N4BP2L1: variants seen among roughly 807,000 people sequenced by gnomAD.
N4BP2L1 encodes NEDD4 binding protein 2 like 1.
N4BP2L1 carries 12 observed loss-of-function variants against 21.2 expected under a neutral mutation model. The ratio of observed to expected loss-of-function variants is 0.57; its 90% CI spans 0.36 to 0.92. The LOEUF is 0.92. Among genes scored for constraint, N4BP2L1 ranks in the 40% least tolerant of loss-of-function variants. N4BP2L1 has a pLI of 0.01. For synonymous variants in N4BP2L1, 104 were observed against 112.8 expected (o/e 0.92, Z 0.49); for missense variants, 259 against 310.6 (o/e 0.83, Z 1.25).
chr13:32,403,198 CTTCT>C lies in N4BP2L1; in HGVS notation c.474-2_475del. The C allele has an allele frequency of 6.3e-7, 1 of 1,586,028 alleles. No homozygotes were observed. Among genetic ancestry groups the C allele is most frequent in the African/African-American group, 1.4e-5 (1 of 73,638 alleles). On this transcript the variant is annotated splice_acceptor_variant and coding_sequence_variant, in exon 5 of 5. Transcript: ENST00000380130. LOFTEE classifies it high-confidence loss of function. ...TTCTCTTGAGACACCATGAATGTTTCTTCTACATGGAAAAAAAATGCATTTAGTT... is the reference window on the plus strand; with the variant it reads ...TTCTCTTGAGACACCATGAATGTTTCACATGGAAAAAAAATGCATTTAGTT...
chr13:32,407,510 T>A (rs1566294043), intron 2 of N4BP2L1, 135 bp downstream of exon 2: 1 of 1,587,004 alleles, frequency 6.3e-7, no homozygotes, highest in South Asian at 1.1e-5. Context: ...GAGGTTATGC[T>A]CTGGTGTTCT....
At chr13:32,425,183 T>G (rs898092340) in intron 1 of N4BP2L1, 7 of 152,222 alleles carry the variant, frequency 4.6e-5, no homozygotes, top group African/African-American at 1.7e-4. Context: ...TTAAACAATT[T>G]GCTCTTTTCT....
intron 1 of N4BP2L1, chr13:32,416,643 A>C (rs206321): frequency 0.16 from 24,618 of 152,140 alleles, 2,419 homozygotes; most frequent in South Asian, 0.3. Context: ...CTCTGATAGA[A>C]TACATGTTCC....
intron 1 of N4BP2L1, among the ~76,000 whole-genome samples, chr13:32,414,811 A>T (rs562361287): frequency 6.6e-6 from 1 of 152,162 alleles, no homozygotes; most frequent in Non-Finnish European, 1.5e-5. Flanking sequence ...TACCGTTTGC[A>T]TGTGGGGCTG....
intron 1 of N4BP2L1, among the ~76,000 whole-genome samples, chr13:32,418,681 C>CT (rs1320372663): frequency 6.6e-6 from 1 of 152,236 alleles, no homozygotes; most frequent in Non-Finnish European, 1.5e-5. Flanking sequence ...GGAGCTGTAC[C>CT]TTGCAAAGCC....
chr13:32,414,985 T>C (rs1402461103), intron 1 of N4BP2L1, among the ~76,000 whole-genome samples: 1 of 152,212 alleles, frequency 6.6e-6, no homozygotes, highest in African/African-American at 2.4e-5. Context: ...ATTAATATTT[T>C]AAATTTAGGT....
chr13:32,406,352 G>A (rs542322635), intron 3 of N4BP2L1: 3 of 152,166 alleles, frequency 2.0e-5, no homozygotes, highest in Admixed American at 2.0e-4. Context: ...CACTGTTACA[G>A]GCATCGTACT....
intron 1 of N4BP2L1, among the ~76,000 whole-genome samples, chr13:32,424,394 C>T (rs1042462526): frequency 2.6e-5 from 4 of 152,230 alleles, no homozygotes; most frequent in African/African-American, 7.2e-5. Context: ...CTCCTCACTG[C>T]CTCCCCAGCC....
intron 1 of N4BP2L1, among the ~76,000 whole-genome samples, chr13:32,427,122 C>T (rs1238183881): frequency 4.6e-5 from 7 of 152,228 alleles, no homozygotes; most frequent in Non-Finnish European, 4.4e-5. Flanking sequence ...CCGCGTAATT[C>T]CCAGAGGTTG....
chr13:32,417,802 T>C (rs206324), intron 1 of N4BP2L1, among the ~76,000 whole-genome samples: 32,659 of 152,138 alleles, frequency 0.21, 3,810 homozygotes, highest in South Asian at 0.39. Flanking sequence ...AGGAACTTAC[T>C]GGGAACTGGA....
chr13:32,405,149 C>G (rs1415535354), intron 3 of N4BP2L1, among the ~76,000 whole-genome samples: 1 of 152,152 alleles, frequency 6.6e-6, no homozygotes. Flanking sequence ...AACCGGAAAC[C>G]TCTCATTTCT....
At chr13:32,419,342 T>C (rs1323006908) in intron 1 of N4BP2L1, 1 of 416,590 alleles carries the variant, frequency 2.4e-6, no homozygotes, top group Non-Finnish European at 4.7e-6. Flanking sequence ...ATCTCTCGGG[T>C]TCAAGTGATT....
chr13:32,411,600 A>C, intron 1 of N4BP2L1: 1 of 985,188 alleles, frequency 1.0e-6, no homozygotes, highest in East Asian at 1.1e-4. Flanking sequence ...AGCCTCATGC[A>C]TTAGGGAAAT....
At chr13:32,426,610 T>C (rs1482566489) in intron 1 of N4BP2L1, among the ~76,000 whole-genome samples, 1 of 152,192 alleles carries the variant, frequency 6.6e-6, no homozygotes, top group African/African-American at 2.4e-5. Context: ...AAGGTCACTA[T>C]CTCGGCACCA....
intron 1 of N4BP2L1, among the ~76,000 whole-genome samples, chr13:32,418,689 G>A (rs1211185065): frequency 6.6e-6 from 1 of 152,260 alleles, no homozygotes; most frequent in South Asian, 2.1e-4. Context: ...ACCTTGCAAA[G>A]CCACAGGGGT....
At chr13:32,411,324 ATTTTTTTT>A in intron 1 of N4BP2L1, among the ~76,000 whole-genome samples, 4 of 141,066 alleles carry the variant, frequency 2.8e-5, no homozygotes, top group African/African-American at 1.0e-4. Flanking sequence ...AAGGCCAAGG[ATTTTTTTT>A]TTTTTTTTTT....
rs2073157844 is a variant in N4BP2L1, at chr13:32,402,058, G to C, written c.*884C>G. ...ATATCCCTGTATGACCTATATCCTGGGGTGCCTAATTTCTTGCACTCCCAA... is the reference window on the plus strand; with the variant it reads ...ATATCCCTGTATGACCTATATCCTGCGGTGCCTAATTTCTTGCACTCCCAA... On this transcript the variant is annotated 3_prime_UTR_variant, in exon 5 of 5. Coordinates refer to ENST00000380130, the MANE Select transcript of N4BP2L1 (RefSeq NM_052818.3). The C allele has an allele frequency of 2.0e-6, 2 of 985,182 alleles. No homozygotes were observed. The highest frequency in any genetic ancestry group is 1.2e-6 in the Non-Finnish European group (1 of 829,910). The allele number at this position is 985,182 out of a possible 1,614,324, so 61.0% of individuals were successfully genotyped here.
At chr13:32,412,637 G>A (rs1166431252) in intron 1 of N4BP2L1, among the ~76,000 whole-genome samples, 2 of 135,584 alleles carry the variant, frequency 1.5e-5, no homozygotes, top group Non-Finnish European at 3.1e-5. Flanking sequence ...TGTCTCAACT[G>A]TCTCAAAAAA....
chr13:32,422,194 A>G (rs2074519345), intron 1 of N4BP2L1, among the ~76,000 whole-genome samples: 1 of 67,636 alleles, frequency 1.5e-5, no homozygotes, highest in Admixed American at 1.5e-4. Context: ...AATATTGACA[A>G]CAAAAAATGT....
Sources: allele counts gnomAD v4.1 joint callset (sites outside exome capture counted in the v4.1 genomes callset), GRCh38; gene constraint gnomAD v4.1.1; transcripts MANE v1.5; gene names NCBI Gene and HGNC (gene_info 2026-07-23, HGNC 2026-07-21).